KIF6: variants seen among roughly 807,000 people sequenced by gnomAD.
KIF6 encodes the protein kinesin-like protein KIF6.
Under a neutral mutation model 112.7 loss-of-function variants are expected in KIF6, and 106 were observed. The observed-to-expected ratio is 0.94, with a 90% confidence interval of 0.80 to 1.11. The LOEUF (loss-of-function observed/expected upper bound fraction) is 1.11. KIF6 is among the 50% of genes least tolerant of loss of function. KIF6 has a pLI of 0.00. For synonymous variants in KIF6, 339 were observed against 339.9 expected, an observed-to-expected ratio of 1.00 and a Z score of 0.03; for missense variants, 929 against 964.0, an observed-to-expected ratio of 0.96 and a Z score of 0.48.
chr6:39,562,538 A>T (rs1780063863), intron 10 of KIF6, among the ~76,000 whole-genome samples: 1 of 152,186 alleles, frequency 6.6e-6, no homozygotes, highest in South Asian at 2.1e-4. Context: ...TAAACTCCTT[A>T]GAAGAAGGAT....
chr6:39,547,130 T>C lies in KIF6; in HGVS notation c.1182-1442A>G, dbSNP rs780924939. Among the ~76,000 whole-genome samples the C allele has an allele frequency of 1.1e-3, 166 of 152,216 alleles. 2 individuals are homozygous for C. Among genetic ancestry groups the C allele is most frequent in the Non-Finnish European group, 3.1e-4 (21 of 68,042 alleles). ...TCTTTCTAGTACTATTATGAAAATA[T>C]TTGCATACTTTCAGCATCTTTTAAA... On this transcript the variant is annotated intron_variant, in intron 10 of 22. Transcript: ENST00000287152.
Position 39,544,577 on chromosome 6 carries a change from C to A in KIF6, c.1404G>T (p.Leu468=), listed in dbSNP as rs1250700677. 1.2e-6 allele frequency: 2 copies of A among 1,612,238 alleles called. No individual in the cohort carries two copies. ...TACTGATTTCGTTATCTCTCTGTTT[C>A]AGAATATCTCGTAGCTTTCTATATT... is the stretch of plus-strand genomic sequence containing the variant. ...EEEYRKLRDI[L]KQRDNEINIL... Residue 468 remains leucine, a synonymous_variant, in exon 12 of 23, where the codon CTG becomes CTT. Transcript: ENST00000287152.
chr6:39,411,030 C>A (rs1236336261), intron 15 of KIF6, among the ~76,000 whole-genome samples: 2 of 126,264 alleles, frequency 1.6e-5, no homozygotes, highest in Non-Finnish European at 3.5e-5. Flanking sequence ...CTAGAAAACA[C>A]AAATTGGTCC....
chr6:39,484,020 A>C (rs1774965997), intron 13 of KIF6, among the ~76,000 whole-genome samples: 1 of 152,236 alleles, frequency 6.6e-6, no homozygotes. Flanking sequence ...ACTTCAGTGC[A>C]GTGTGACAAA....
intron 2 of KIF6, chr6:39,714,989 A>C: frequency 2.6e-6 from 1 of 391,928 alleles, no homozygotes. Context: ...GATCTGCACA[A>C]TAAATCCCTC....
chr6:39,572,327 GT>G (rs2150623057), intron 10 of KIF6, among the ~76,000 whole-genome samples: 1 of 152,230 alleles, frequency 6.6e-6, no homozygotes, highest in African/African-American at 2.4e-5. Flanking sequence ...GTGTCTGTAA[GT>G]TTTCCTTAAT....
At chr6:39,398,038 A>AT (rs1768401755) in intron 15 of KIF6, among the ~76,000 whole-genome samples, 1 of 152,198 alleles carries the variant, frequency 6.6e-6, no homozygotes, top group Non-Finnish European at 1.5e-5. Context: ...CGTCCAAGGG[A>AT]TAGTAAATGG....
chr6:39,535,389 CA>C (rs1405779780), intron 13 of KIF6, among the ~76,000 whole-genome samples: 1 of 151,108 alleles, frequency 6.6e-6, no homozygotes, highest in Non-Finnish European at 1.5e-5. Flanking sequence ...AAATGGAAAA[CA>C]AAAAAAGGCA....
Position 39,589,516 on chromosome 6 carries a change from C to T in KIF6, c.847-3112G>A, listed in dbSNP as rs186683360. 2.6e-5 allele frequency among the ~76,000 whole-genome samples: 4 copies of T among 152,316 alleles called. No homozygotes were observed. In the East Asian group the frequency reaches 7.7e-4, roughly 29 times the overall value. On this transcript the variant is annotated intron_variant, in intron 7 of 22. Coordinates refer to ENST00000287152, the MANE Select transcript of KIF6 (RefSeq NM_145027.6). ...AAGCTGTCTCCCTCAGTTCTCGTGG[C>T]AGCCCTCATTCTAGTTTGACTTCCT...
At chr6:39,645,574 A>G (rs571554260) in intron 3 of KIF6, among the ~76,000 whole-genome samples, 2 of 151,912 alleles carry the variant, frequency 1.3e-5, no homozygotes, top group East Asian at 3.9e-4. Context: ...TTTATTGAGG[A>G]TTTTTGCATC....
At position 39,360,464 on chromosome 6, in the gene KIF6, C is replaced by T; in HGVS notation, c.2013G>A (p.Met671Ile). ...KVEIEHLQLL[M>I]DKAKVKLQKE... ...TCTGTAGCTTCACCTTGGCTTTGTC[C>T]ATGAGCAGCTGCAAGTGCTCGATCT... The change falls in exon 18 of 23, where the codon ATG becomes ATA. Residue 671 changes from methionine (M) to isoleucine (I), a missense_variant. Transcript: ENST00000287152. 4 of 1,613,848 alleles carry T rather than the reference C, an allele frequency of 2.5e-6. No homozygotes were observed. The highest frequency in any genetic ancestry group is 3.4e-6 in the Non-Finnish European group (4 of 1,179,932).
At chr6:39,413,139 C>T (rs1459341585) in intron 15 of KIF6, among the ~76,000 whole-genome samples, 1 of 152,076 alleles carries the variant, frequency 6.6e-6, no homozygotes, top group Non-Finnish European at 1.5e-5. Context: ...CTATAATCCC[C>T]GAGTTTTCAG....
At chr6:39,515,420 C>T (rs1036470285) in intron 13 of KIF6, among the ~76,000 whole-genome samples, 35 of 152,318 alleles carry the variant, frequency 2.3e-4, no homozygotes, top group Non-Finnish European at 3.2e-4. Context: ...TCTCCTTGGG[C>T]GCAATCATCT....
At chr6:39,716,285 A>ACTAAAATGTAGTTTTAGTAT (rs6149539) in intron 2 of KIF6, among the ~76,000 whole-genome samples, 1 of 151,810 alleles carries the variant, frequency 6.6e-6, no homozygotes, top group Non-Finnish European at 1.5e-5. Flanking sequence ...TTTAAATTAA[A>ACTAAAATGTAGTTTTAGTAT]AATATCTATA....
intron 16 of KIF6, among the ~76,000 whole-genome samples, chr6:39,383,357 G>A (rs114215488): frequency 0.034 from 5,106 of 152,236 alleles, 122 homozygotes; most frequent in Non-Finnish European, 0.053. Context: ...TTAGAGGTAG[G>A]AATCTAGTTT....
At chr6:39,484,284 T>C (rs545012445) in intron 13 of KIF6, among the ~76,000 whole-genome samples, 1 of 152,344 alleles carries the variant, frequency 6.6e-6, no homozygotes, top group Admixed American at 6.5e-5. Context: ...GAGTAGCTTG[T>C]ACCTGGTGTG....
At chr6:39,479,616 T>C (rs922498877) in intron 13 of KIF6, among the ~76,000 whole-genome samples, 1 of 152,132 alleles carries the variant, frequency 6.6e-6, no homozygotes, top group Non-Finnish European at 1.5e-5. Context: ...TAGGATTATT[T>C]TTTCTAGTTC....
Position 39,569,995 on chromosome 6 carries a change from C to T in KIF6, c.1181+8061G>A, listed in dbSNP as rs560341515. Among the ~76,000 whole-genome samples the T allele has an allele frequency of 1.3e-4, 20 of 152,292 alleles. No homozygotes were observed. In the East Asian group the frequency reaches 1.9e-3, roughly 15 times the overall value. ...GATGGATAAACGAGCATTTAAGACT[C>T]TTCCTTTAGGCATATTTATTTGCAT... On this transcript the variant is annotated intron_variant, in intron 10 of 22. Transcript: ENST00000287152.
At chr6:39,710,476 A>AC (rs1253144685) in intron 3 of KIF6, among the ~76,000 whole-genome samples, 3 of 151,834 alleles carry the variant, frequency 2.0e-5, no homozygotes, top group Non-Finnish European at 4.4e-5. Context: ...ACAGAAAAAA[A>AC]AAAAAACCCA....
Sources: gnomAD v4.1 joint callset for allele counts (sites outside exome capture counted in the v4.1 genomes callset) on GRCh38, gnomAD v4.1.1 for gene constraint, MANE v1.5 for transcripts, NCBI Gene and HGNC (gene_info 2026-07-23, HGNC 2026-07-21) for gene names.